The following PTPRS variants were observed in gnomAD, a reference collection of about 807,000 sequenced individuals.
PTPRS encodes protein tyrosine phosphatase receptor type S.
A neutral mutation model predicts 215.3 loss-of-function variants in PTPRS; 63 were observed. The observed-to-expected ratio is 0.29, with a 90% confidence interval of 0.24 to 0.36. The LOEUF is 0.36. Ranked by LOEUF, PTPRS falls within the 10% of genes least tolerant of loss-of-function variation. The pLI is 1.00. For missense variants in PTPRS, 2,258 were observed against 2,825.8 expected, an observed-to-expected ratio of 0.80 and a Z score of 4.56; for synonymous variants, 1,404 against 1,191.4, an observed-to-expected ratio of 1.18 and a Z score of -3.68.
At chr19:5,208,683 T>C (rs737004) in intron 35 of PTPRS, among the ~76,000 whole-genome samples, 19,955 of 152,036 alleles carry the variant, frequency 0.13, 2,053 homozygotes, top group African/African-American at 0.29. Context: ...GCCATTCATT[T>C]ACCCTGACAA....
Position 5,210,378 on chromosome 19 carries a change from C to T in PTPRS, c.5487+91G>A. ...CCTGATTCCCAATGCTTATGCCTAA[C>T]CCTTGGCCTTTGTATCCATCACCAA... On this transcript the variant is annotated intron_variant, in intron 35 of 37. Coordinates refer to ENST00000262963, the MANE Select transcript of PTPRS (RefSeq NM_002850.4). The surrounding 1 kb of genome is among the most constrained non-coding windows in gnomAD (Gnocchi z 4.5). 1 of 1,558,458 alleles carries T rather than the reference C, an allele frequency of 6.4e-7. No homozygotes were observed. Among genetic ancestry groups the T allele is most frequent in the Non-Finnish European group, 8.8e-7 (1 of 1,138,928 alleles).
At position 5,206,779 on chromosome 19, in the gene PTPRS, T is replaced by A. The variant is rs750760376; in HGVS notation, c.5842A>T (p.Thr1948Ser). The A allele has an allele frequency of 1.8e-5, 29 of 1,613,676 alleles. No individual in the cohort carries two copies. The highest frequency in any genetic ancestry group is 1.3e-4 in the Admixed American group (8 of 59,994). ...GCCTGGGGGGAACCATGGCTTTAGG[T>A]TGCATAGTGGTCAAAGCTTCCGAGG... ...EYLGSFDHYA[T>S] is the part of the protein sequence containing the mutation. Residue 1948 changes from threonine to serine, a missense_variant, in exon 38 of 38, where the codon ACC (threonine) becomes TCC (serine). Thr to Ser is a moderately conservative substitution (Grantham distance 58). This residue lies in a region of PTPRS where 89 missense variants were observed against 104.0 expected (regional missense o/e 0.86). Transcript: ENST00000262963.
At chr19:5,225,041 C>A (rs967048843) in intron 17 of PTPRS, among the ~76,000 whole-genome samples, 1 of 152,104 alleles carries the variant, frequency 6.6e-6, no homozygotes, top group Admixed American at 6.5e-5. Context: ...TGGGCTGTGC[C>A]CTCCGCCCGG....
At chr19:5,299,740 T>C (rs1184177298) in intron 1 of PTPRS, among the ~76,000 whole-genome samples, 1 of 151,940 alleles carries the variant, frequency 6.6e-6, no homozygotes, top group Non-Finnish European at 1.5e-5. Flanking sequence ...GGCATGGTGG[T>C]GCGCACCTGT....
rs138684038 is a variant in PTPRS at position 5,219,318 on chromosome 19, G to A, written c.3915C>T (p.Leu1305=). Residue 1305 remains leucine, a synonymous_variant, in exon 23 of 38, where the codon CTC becomes CTT. Coordinates refer to ENST00000262963, the MANE Select transcript of PTPRS (RefSeq NM_002850.4). ...GAGGACATGGGGCTTACTTCTTGTAGAGCAGGATAGCAATGACAATGCAGA... is the reference window on the plus strand; with the variant it reads ...GAGGACATGGGGCTTACTTCTTGTAAAGCAGGATAGCAATGACAATGCAGA... ...FIICIVIAIL[L]YKNKPDSKRK... 4 of 1,613,988 alleles carry A rather than the reference G, an allele frequency of 2.5e-6. No homozygotes were observed. Among genetic ancestry groups the A allele is most frequent in the Non-Finnish European group, 3.4e-6 (4 of 1,180,024 alleles).
rs1283328954 is a variant in PTPRS at position 5,220,167 on chromosome 19, A to T, written c.3550-13T>A. ...TGTCCTGGATGAGCTGCGGGAACAG[A>T]GTCATGGGTGGCTCAGAGCTCAGCT... On this transcript the variant is annotated splice_polypyrimidine_tract_variant and intron_variant, in intron 21 of 37. Coordinates refer to ENST00000262963, the MANE Select transcript of PTPRS (RefSeq NM_002850.4). The T allele has an allele frequency of 1.4e-5, 22 of 1,609,498 alleles. No individual in the cohort carries two copies. The highest frequency in any genetic ancestry group is 1.9e-5 in the Non-Finnish European group (22 of 1,177,558).
At chr19:5,229,755 T>G in intron 14 of PTPRS, 71 bp from the exon 15 acceptor site, 1 of 975,926 alleles carries the variant, frequency 1.0e-6, no homozygotes, top group Non-Finnish European at 1.3e-6. Context: ...CCCCGGGCAG[T>G]GCCACTGTCC....
chr19:5,260,324 C>T (rs971230486), intron 7 of PTPRS, among the ~76,000 whole-genome samples: 1 of 151,928 alleles, frequency 6.6e-6, no homozygotes, highest in Admixed American at 6.6e-5. Context: ...GGATTACAGG[C>T]GCCCACCACC....
intron 17 of PTPRS, among the ~76,000 whole-genome samples, 153 bp from the exon 18 acceptor site, chr19:5,223,450 G>A (rs1727328822): frequency 6.6e-6 from 1 of 151,922 alleles, no homozygotes; most frequent in South Asian, 2.1e-4. Flanking sequence ...GAGTGCAATG[G>A]TGAGATCACG....
At chr19:5,243,383 G>A (rs2044213335) in intron 11 of PTPRS, among the ~76,000 whole-genome samples, 1 of 152,054 alleles carries the variant, frequency 6.6e-6, no homozygotes, top group South Asian at 2.1e-4. Context: ...TAATCCACTC[G>A]CCTCCGACTC....
chr19:5,261,989 C>G (rs1045149689), intron 6 of PTPRS, among the ~76,000 whole-genome samples: 2 of 152,190 alleles, frequency 1.3e-5, no homozygotes, highest in African/African-American at 2.4e-5. Flanking sequence ...AAAGTCTTTT[C>G]AGGCCGGGCG....
intron 9 of PTPRS, among the ~76,000 whole-genome samples, chr19:5,246,992 T>TA (rs908531948): frequency 1.3e-4 from 20 of 151,204 alleles, no homozygotes; most frequent in African/African-American, 4.9e-4. Flanking sequence ...AGTGCACACT[T>TA]ACGTGACACC....
chr19:5,270,018 C>A (rs2046772228), intron 4 of PTPRS, among the ~76,000 whole-genome samples: 1 of 151,578 alleles, frequency 6.6e-6, no homozygotes, highest in African/African-American at 2.4e-5. Context: ...CACAGCTTGT[C>A]CTTTTAATAC....
intron 37 of PTPRS, among the ~76,000 whole-genome samples, chr19:5,207,293 C>G (rs547536299): frequency 2.7e-4 from 41 of 152,358 alleles, no homozygotes; most frequent in African/African-American, 9.4e-4. Flanking sequence ...CCATGTTGGC[C>G]AGGCTGGTCT....
intron 2 of PTPRS, among the ~76,000 whole-genome samples, chr19:5,277,056 TG>T (rs2047434700): frequency 1.8e-5 from 2 of 111,074 alleles, no homozygotes; most frequent in African/African-American, 4.0e-5. Context: ...CTGAGTTTTG[TG>T]TTTTTTTTTT....
At chr19:5,267,527 G>A (rs913691913) in intron 4 of PTPRS, among the ~76,000 whole-genome samples, 19 of 152,034 alleles carry the variant, frequency 1.2e-4, no homozygotes, top group Admixed American at 7.2e-4. Flanking sequence ...CATGGTGGCG[G>A]ACGCCTGTAA....
intron 28 of PTPRS, 56 bp downstream of exon 28, chr19:5,215,233 T>C: frequency 3.1e-6 from 5 of 1,603,796 alleles, no homozygotes; most frequent in Non-Finnish European, 4.3e-6. Flanking sequence ...ACATGGGATC[T>C]AGCACTTTCC....
At position 5,244,545 on chromosome 19, in the gene PTPRS, G is replaced by A. The variant is rs2044305961; in HGVS notation, c.989-63C>T. On this transcript the variant is annotated intron_variant, in intron 10 of 37. Coordinates refer to ENST00000262963, the MANE Select transcript of PTPRS (RefSeq NM_002850.4). This position sits in a 1 kb window ranked among gnomAD's most constrained non-coding sequence, Gnocchi z 7.2. The stretch of plus-strand genomic sequence containing the variant: ...ATTGGTTGAGGACCCTGAAGGCTGT[G>A]TGACTTTTCACCATTCAGTCGCCTT... The A allele has an allele frequency of 2.9e-6, 4 of 1,391,686 alleles. No homozygotes were observed. In the Admixed American group the frequency reaches 7.7e-5, roughly 27 times the overall value. 86.2% of individuals were successfully genotyped at this position (1,391,686 alleles called of 1,614,324 possible).
Position 5,229,331 on chromosome 19 carries a change from ATCCGTCTCCC to A in PTPRS, c.2351_2360del (p.Trp784LeufsTer23), listed in dbSNP as rs1316881012. 3.9e-5 allele frequency: 54 copies of A among 1,378,976 alleles called. No homozygotes were observed. The highest frequency in any genetic ancestry group is 5.1e-5 in the Non-Finnish European group (54 of 1,061,312). The allele number at this position is 1,378,976 out of a possible 1,614,324, so 85.4% of individuals were successfully genotyped here. ...CGCTACTTACATATTCGGCCGTGTC[ATCCGTCTCCC>A]ACTGAGCGCGGGAGGAGGCGGCAGG... On this transcript the variant is annotated frameshift_variant and splice_region_variant, in exon 16 of 38. Coordinates refer to ENST00000262963, the MANE Select transcript of PTPRS (RefSeq NM_002850.4). LOFTEE classifies it high-confidence loss of function.
Sources: allele counts gnomAD v4.1 joint callset (sites outside exome capture counted in the v4.1 genomes callset), GRCh38; gene constraint gnomAD v4.1.1; regional missense constraint gnomAD v4.1.1; non-coding constraint Gnocchi (gnomAD v3.1); transcripts MANE v1.5; gene names NCBI Gene and HGNC (gene_info 2026-07-23, HGNC 2026-07-21).